Variants in PCDH15 observed in about 807,000 individuals in gnomAD.
PCDH15 encodes protocadherin related 15.
In PCDH15, 129 loss-of-function variants were observed where a neutral mutation model predicts 178.5. The ratio of observed to expected loss-of-function variants is 0.72; its 90% CI spans 0.63 to 0.84. PCDH15 has a LOEUF of 0.84. PCDH15 is among the 40% of genes least tolerant of loss of function. PCDH15 has a pLI of 0.00. For synonymous variants in PCDH15, 800 were observed against 732.0 expected, an observed-to-expected ratio of 1.09 and a Z score of -1.50; for missense variants, 2,230 against 2,099.9, an observed-to-expected ratio of 1.06 and a Z score of -1.21.
chr10:54,872,323 G>C (rs1463122468), intron 3 of PCDH15, among the ~76,000 whole-genome samples: 2 of 151,852 alleles, frequency 1.3e-5, no homozygotes, highest in African/African-American at 4.8e-5. Flanking sequence ...GAAAATACTA[G>C]AGCTGAATAG....
intron 1 of PCDH15, among the ~76,000 whole-genome samples, chr10:55,252,510 T>C (rs148615111): frequency 4.3e-3 from 659 of 152,296 alleles, no homozygotes; most frequent in African/African-American, 0.015. Context: ...AATAGTTCTA[T>C]AATATTTTCA....
At chr10:54,732,017 A>G (rs2132667694) in intron 1 of PCDH15, among the ~76,000 whole-genome samples, 1 of 151,490 alleles carries the variant, frequency 6.6e-6, no homozygotes, top group Non-Finnish European at 1.5e-5. Flanking sequence ...ATATTTACAA[A>G]TTATATACAT....
chr10:54,451,258 T>C (rs947698848), intron 3 of PCDH15, among the ~76,000 whole-genome samples: 5 of 151,882 alleles, frequency 3.3e-5, no homozygotes, highest in Admixed American at 1.3e-4. Flanking sequence ...CATATTCTTA[T>C]TGCTAACATC....
chr10:55,264,683 G>A (rs1220440884), intron 1 of PCDH15, among the ~76,000 whole-genome samples: 1 of 152,168 alleles, frequency 6.6e-6, no homozygotes, highest in Non-Finnish European at 1.5e-5. Context: ...CCTCCGGAGT[G>A]TGTCCTGAAC....
intron 2 of PCDH15, among the ~76,000 whole-genome samples, chr10:54,555,303 T>G (rs1171259808): frequency 6.6e-6 from 1 of 152,186 alleles, no homozygotes. Context: ...CTATAGCTTT[T>G]GCCCTCAGAT....
At chr10:54,959,317 TGAGA>T (rs921451206) in intron 2 of PCDH15, among the ~76,000 whole-genome samples, 22 of 151,926 alleles carry the variant, frequency 1.4e-4, no homozygotes, top group African/African-American at 4.8e-4. Flanking sequence ...TCCCAGCAAA[TGAGA>T]GAGGAAATTA....
chr10:54,808,351 GACATTTC>G (rs912671143), intron 3 of PCDH15, among the ~76,000 whole-genome samples: 1 of 152,188 alleles, frequency 6.6e-6, no homozygotes, highest in Non-Finnish European at 1.5e-5. Flanking sequence ...ACATGTGTTA[GACATTTC>G]CAAATCAAGC....
chr10:55,448,528 G>A (rs541671635), intron 2 of PCDH15, among the ~76,000 whole-genome samples: 14 of 151,668 alleles, frequency 9.2e-5, no homozygotes, highest in African/African-American at 3.2e-4. Context: ...ATTTTTTTCA[G>A]TAGGAAACTT....
intron 2 of PCDH15, among the ~76,000 whole-genome samples, chr10:55,424,619 A>C (rs1294033157): frequency 6.6e-6 from 1 of 152,038 alleles, no homozygotes; most frequent in Non-Finnish European, 1.5e-5. Flanking sequence ...ACATAAGACA[A>C]CCTCAGCCCA....
chr10:55,386,680 T>G (rs1837667670), intron 2 of PCDH15, among the ~76,000 whole-genome samples: 1 of 152,010 alleles, frequency 6.6e-6, no homozygotes, highest in South Asian at 2.1e-4. Context: ...ACATAAATAC[T>G]TGCATACATT....
rs7085959 is a variant in PCDH15 at position 54,964,227 on chromosome 10, C to A, written c.-79-66727G>T. Among the ~76,000 whole-genome samples, 785 of 152,232 alleles carry A rather than the reference C, an allele frequency of 5.2e-3. 5 individuals are homozygous for A. The highest frequency in any genetic ancestry group is 0.018 in the African/African-American group (752 of 41,546). On this transcript the variant is annotated intron_variant, in intron 2 of 5. Coordinates refer to the PCDH15 transcript ENST00000458638. ...GTTTTAAGGCTGGCTGAGTCAATTT[C>A]TATGTTTATTCAAAAGAAACCATAA...
intron 8 of PCDH15, among the ~76,000 whole-genome samples, chr10:54,251,129 G>A (rs566571228): frequency 8.7e-4 from 132 of 152,194 alleles, no homozygotes; most frequent in African/African-American, 3.1e-3. Flanking sequence ...TGAATTTTAG[G>A]TTCTCTATTT....
At chr10:54,972,590 T>C (rs1050813280) in intron 2 of PCDH15, among the ~76,000 whole-genome samples, 2 of 151,874 alleles carry the variant, frequency 1.3e-5, no homozygotes, top group Non-Finnish European at 2.9e-5. Context: ...GGCTCACGCC[T>C]GTAATCCCAG....
At chr10:53,889,991 G>T (rs2081438734) in intron 26 of PCDH15, among the ~76,000 whole-genome samples, 1 of 152,220 alleles carries the variant, frequency 6.6e-6, no homozygotes, top group South Asian at 2.1e-4. Flanking sequence ...AACTGGTAAT[G>T]CTCTGTTTCT....
At chr10:53,970,746 T>C (rs1335967543) in intron 21 of PCDH15, among the ~76,000 whole-genome samples, 16 of 152,162 alleles carry the variant, frequency 1.1e-4, no homozygotes, top group Admixed American at 7.2e-4. Context: ...TAGGAAGAAG[T>C]TGAATCCCTG....
At chr10:55,150,036 GAA>G (rs1838655869) in intron 2 of PCDH15, among the ~76,000 whole-genome samples, 2 of 145,198 alleles carry the variant, frequency 1.4e-5, no homozygotes, top group South Asian at 4.8e-4. Context: ...GAGAGATAAA[GAA>G]GAGAAGAGAG....
At chr10:54,739,203 G>A (rs1944476703) in intron 1 of PCDH15, among the ~76,000 whole-genome samples, 1 of 151,514 alleles carries the variant, frequency 6.6e-6, no homozygotes, top group Non-Finnish European at 1.5e-5. Flanking sequence ...CGTTAGAACT[G>A]ATCCATGAAT....
chr10:54,674,627 A>T (rs2094747339), intron 1 of PCDH15, among the ~76,000 whole-genome samples: 1 of 152,146 alleles, frequency 6.6e-6, no homozygotes, highest in Non-Finnish European at 1.5e-5. Context: ...AAGATGGATA[A>T]TTTGACTTAG....
intron 1 of PCDH15, among the ~76,000 whole-genome samples, chr10:55,273,903 A>C (rs1031443801): frequency 7.0e-6 from 1 of 143,472 alleles, no homozygotes; most frequent in South Asian, 2.3e-4. Flanking sequence ...ATAACAAATT[A>C]GTTAAGTGTA....
Sources: gnomAD v4.1 joint callset for allele counts (sites outside exome capture counted in the v4.1 genomes callset) on GRCh38, gnomAD v4.1.1 for gene constraint, MANE v1.5 for transcripts, NCBI Gene and HGNC (gene_info 2026-07-23, HGNC 2026-07-21) for gene names.